UBAP2: variants seen among roughly 807,000 people sequenced by gnomAD.
UBAP2 encodes the protein ubiquitin associated protein 2.
UBAP2 carries 75 observed loss-of-function variants against 139.6 expected under a neutral mutation model. The ratio of observed to expected loss-of-function variants is 0.54; its 90% CI spans 0.45 to 0.65. The LOEUF is 0.65. UBAP2 is among the 30% of genes least tolerant of loss of function. The pLI is 0.00. For missense variants in UBAP2, 1,368 were observed against 1,369.6 expected (o/e 1.00, Z 0.02); for synonymous variants, 526 against 526.2 (o/e 1.00, Z 0.01).
intron 6 of UBAP2, among the ~76,000 whole-genome samples, chr9:33,974,099 G>A (rs538515297): frequency 9.0e-4 from 137 of 152,168 alleles, no homozygotes; most frequent in Non-Finnish European, 1.7e-3. Flanking sequence ...GCTGAAGCAG[G>A]AGGATCCATG....
intron 1 of UBAP2, among the ~76,000 whole-genome samples, chr9:34,028,173 A>G (rs1825573384): frequency 6.6e-6 from 1 of 152,014 alleles, no homozygotes; most frequent in Non-Finnish European, 1.5e-5. Flanking sequence ...CTGCTGTTCC[A>G]TGGATATAAC....
chr9:33,992,658 A>AGG (rs35197118), intron 4 of UBAP2, among the ~76,000 whole-genome samples: 48 of 41,904 alleles, frequency 1.1e-3, no homozygotes, highest in African/African-American at 2.2e-3. Context: ...TATCGGGCGG[A>AGG]GGGGGGGGGG....
chr9:33,929,709 T>C (rs1274536538), intron 19 of UBAP2, among the ~76,000 whole-genome samples: 2 of 152,062 alleles, frequency 1.3e-5, no homozygotes, highest in Non-Finnish European at 2.9e-5. Context: ...AGAATATAAA[T>C]AGCTCACATA....
At position 33,924,419 on chromosome 9, in the gene UBAP2, C is replaced by T. The variant is rs529998343; in HGVS notation, c.2512-135G>A. 6.4e-5 allele frequency: 54 copies of T among 844,170 alleles called. 1 individual carries two copies. In the South Asian group the frequency reaches 6.8e-4, roughly 11 times the overall value. 52.3% of individuals were successfully genotyped at this position (844,170 alleles called of 1,614,324 possible). Reference sequence around the variant, plus strand: ...CCTGAGAGCCAGCAGTCCCAGGGAACGCCAAGTAAATGGTGCCCCTCGGAA... The same window carrying T: ...CCTGAGAGCCAGCAGTCCCAGGGAATGCCAAGTAAATGGTGCCCCTCGGAA... On this transcript the variant is annotated intron_variant, in intron 22 of 28. Coordinates refer to ENST00000379238, the MANE Select transcript of UBAP2 (RefSeq NM_001370062.2).
In UBAP2 at chr9:33,980,333, C is replaced by T. The variant is rs1339904597; in HGVS notation, c.520+6427G>A. On this transcript the variant is annotated intron_variant, in intron 6 of 28. Coordinates refer to ENST00000379238, the MANE Select transcript of UBAP2 (RefSeq NM_001370062.2). ...CTACGAGCTCCGTCTCCCAGGTTCA[C>T]GCCATTCTCCTGCCTCAGCCTCCTG... Among the ~76,000 whole-genome samples the T allele has an allele frequency of 7.7e-5, 11 of 142,016 alleles. No homozygotes were observed. The South Asian group carries it at 2.1e-3, about 27-fold the overall frequency. The allele number at this position is 142,016 out of a possible 152,430, so 93.2% of individuals were successfully genotyped here. A position where few individuals can be genotyped will look rare whatever the true frequency, so the allele number is the denominator to read the frequency against.
chr9:34,027,811 G>A (rs374324412), intron 1 of UBAP2, among the ~76,000 whole-genome samples: 1 of 150,480 alleles, frequency 6.6e-6, no homozygotes, highest in African/African-American at 2.4e-5. Context: ...GCAGTGAGCC[G>A]AGATTGCACC....
rs200113756 is a variant in UBAP2, at chr9:33,948,599, G to A, written c.1057-12C>T. The A allele has an allele frequency of 9.3e-6, 15 of 1,611,574 alleles. No individual in the cohort carries two copies. The highest frequency in any genetic ancestry group is 2.7e-5 in the African/African-American group (2 of 74,874). ...CCAAGGACGGATGACTTTAAAAGGG[G>A]GATAAAAGAACAAATCCTCAACAAT... On this transcript the variant is annotated splice_polypyrimidine_tract_variant and intron_variant, in intron 12 of 28. Coordinates refer to ENST00000379238, the MANE Select transcript of UBAP2 (RefSeq NM_001370062.2).
At chr9:34,005,501 C>T (rs1431877780) in intron 2 of UBAP2, among the ~76,000 whole-genome samples, 1 of 148,552 alleles carries the variant, frequency 6.7e-6, no homozygotes, top group Non-Finnish European at 1.5e-5. Context: ...TCTATTTCTT[C>T]TTTAAATTAC....
chr9:33,952,948 C>A (rs768121230), intron 12 of UBAP2: 3 of 174,460 alleles, frequency 1.7e-5, no homozygotes, highest in Non-Finnish European at 3.7e-5. Context: ...TGGCTCACTG[C>A]AACCTCAAAC....
intron 13 of UBAP2, among the ~76,000 whole-genome samples, chr9:33,946,577 T>TGATG: frequency 6.6e-6 from 1 of 152,210 alleles, no homozygotes; most frequent in African/African-American, 2.4e-5. Context: ...CCTAATATTT[T>TGATG]AGCCTTTGTG....
rs377446026 is a variant in UBAP2 at position 33,968,455 on chromosome 9, C to T, written c.679+3196G>A. The T allele has an allele frequency of 5.4e-6, 3 of 555,942 alleles. No homozygotes were observed. The East Asian group carries it at 1.4e-4, about 26-fold the overall frequency. 34.4% of individuals were successfully genotyped at this position (555,942 alleles called of 1,614,324 possible). ...TGGCCGAGGGCATGTGCAGCCTGGT[C>T]GGCTTCTTCAGCTTCAGGTTGGGAC... On this transcript the variant is annotated intron_variant, in intron 8 of 28. Coordinates refer to ENST00000379238, the MANE Select transcript of UBAP2 (RefSeq NM_001370062.2).
intron 1 of UBAP2, among the ~76,000 whole-genome samples, chr9:34,017,881 C>T (rs369346195): frequency 3.6e-4 from 54 of 151,584 alleles, no homozygotes; most frequent in African/African-American, 1.1e-3. Flanking sequence ...CAGCCGAGAT[C>T]GCGTCACTGT....
At chr9:34,018,099 A>G (rs1824545635) in intron 1 of UBAP2, among the ~76,000 whole-genome samples, 1 of 151,930 alleles carries the variant, frequency 6.6e-6, no homozygotes, top group Non-Finnish European at 1.5e-5. Flanking sequence ...AGATGGGAAG[A>G]CTGCTTGAGC....
At chr9:33,933,385 C>T (rs1016624605) in intron 18 of UBAP2, 105 bp downstream of exon 18, 15 of 1,309,722 alleles carry the variant, frequency 1.1e-5, no homozygotes, top group East Asian at 7.5e-5. Context: ...CAGGACATCA[C>T]GTCAGAGACA....
intron 17 of UBAP2, chr9:33,933,914 CACCTAAAGGA>C: frequency 3.3e-6 from 1 of 306,350 alleles, no homozygotes; most frequent in Non-Finnish European, 6.3e-6. Flanking sequence ...ATACTTTTCA[CACCTAAAGGA>C]ACCTAAGCTG....
Position 33,966,465 on chromosome 9 carries a change from T to C in UBAP2, c.680-2674A>G, listed in dbSNP as rs80038447. Reference sequence around the variant, plus strand: ...AGTGAGACTCCATCTCGAAAAAAAATAAAATAAAAAAAAGAATCAAGTTGT... The same window carrying C: ...AGTGAGACTCCATCTCGAAAAAAAACAAAATAAAAAAAAGAATCAAGTTGT... On this transcript the variant is annotated intron_variant, in intron 8 of 28. Transcript: ENST00000379238. Among the ~76,000 whole-genome samples the C allele has an allele frequency of 1.6e-3, 236 of 151,484 alleles. 2 individuals carry two copies. The East Asian group carries it at 0.037, about 24-fold the overall frequency.
chr9:33,977,644 C>T (rs534539505), intron 6 of UBAP2, among the ~76,000 whole-genome samples: 1 of 151,832 alleles, frequency 6.6e-6, no homozygotes, highest in East Asian at 2.0e-4. Flanking sequence ...TCTACTACAT[C>T]TCTGTTGAAT....
chr9:33,951,950 C>T (rs953404449), intron 12 of UBAP2, among the ~76,000 whole-genome samples: 1 of 152,138 alleles, frequency 6.6e-6, no homozygotes, highest in South Asian at 2.1e-4. Flanking sequence ...AATAGAGAAG[C>T]CTTGGGCTGT....
rs572280320 is a variant in UBAP2, at chr9:34,028,990, C to A, written c.-41-11801G>T. Reference sequence around the variant, plus strand: ...AATTAGCCACGCTTGGTGGCGCACACCTGGAATCCCACCCATTCAGGAGGT... The same window carrying A: ...AATTAGCCACGCTTGGTGGCGCACAACTGGAATCCCACCCATTCAGGAGGT... On this transcript the variant is annotated intron_variant, in intron 1 of 28. Coordinates refer to ENST00000379238, the MANE Select transcript of UBAP2 (RefSeq NM_001370062.2). 1.8e-3 allele frequency among the ~76,000 whole-genome samples: 280 copies of A among 152,046 alleles called. 2 individuals carry two copies. Among genetic ancestry groups the A allele is most frequent in the African/African-American group, 4.1e-3 (168 of 41,480 alleles).
Sources: gnomAD v4.1 joint callset for allele counts (sites outside exome capture counted in the v4.1 genomes callset) on GRCh38, gnomAD v4.1.1 for gene constraint, MANE v1.5 for transcripts, NCBI Gene and HGNC (gene_info 2026-07-23, HGNC 2026-07-21) for gene names.